Variants in RASGEF1C observed in about 807,000 individuals in gnomAD.
RASGEF1C encodes the protein ras-GEF domain-containing family member 1C.
A neutral mutation model predicts 58.1 loss-of-function variants in RASGEF1C; 27 were observed. The observed-to-expected ratio is 0.46, with a 90% CI of 0.34 to 0.64. RASGEF1C has a LOEUF of 0.64. RASGEF1C is among the 30% of genes least tolerant of loss of function. RASGEF1C has a pLI of 0.01. For synonymous variants in RASGEF1C, 243 were observed against 246.3 expected (o/e 0.99, Z 0.13); for missense variants, 502 against 605.1 (o/e 0.83, Z 1.79).
Position 180,136,516 on chromosome 5 carries a change from C to T in RASGEF1C, c.301-1G>A. On this transcript the variant is annotated splice_acceptor_variant, in intron 3 of 13. Coordinates refer to ENST00000361132, the MANE Select transcript of RASGEF1C (RefSeq NM_175062.4). LOFTEE classifies it high-confidence loss of function. ...TGGGGCCGAACTTCCGGACCCGGGCCTACGGGCAAGCGAGGGGCACCGCGC... is the reference window on the plus strand; with the variant it reads ...TGGGGCCGAACTTCCGGACCCGGGCTTACGGGCAAGCGAGGGGCACCGCGC... The T allele has an allele frequency of 6.4e-7, 1 of 1,570,946 alleles. No individual in the cohort carries two copies. The highest frequency in any genetic ancestry group is 1.8e-5 in the Admixed American group (1 of 54,632).
chr5:180,111,657 G>T, intron 11 of RASGEF1C, 77 bp from the exon 12 acceptor site: 1 of 1,544,286 alleles, frequency 6.5e-7, no homozygotes, highest in Non-Finnish European at 8.9e-7. Flanking sequence ...GGCTGGTCCT[G>T]GCAGAGACCC....
chr5:180,144,255 C>A (rs1581106214), intron 1 of RASGEF1C, among the ~76,000 whole-genome samples: 1 of 152,192 alleles, frequency 6.6e-6, no homozygotes, highest in Admixed American at 6.5e-5. Flanking sequence ...GCAGCTGGGG[C>A]GACCCTCTAC....
rs1213130358 is a variant in RASGEF1C, at chr5:180,177,354, T to C, written c.-7+31674A>G. 6.6e-6 allele frequency among the ~76,000 whole-genome samples: 1 copy of C among 152,136 alleles called. No individual in the cohort carries two copies. Among genetic ancestry groups the C allele is most frequent in the African/African-American group, 2.4e-5 (1 of 41,448 alleles). On this transcript the variant is annotated intron_variant, in intron 1 of 13. Coordinates refer to ENST00000361132, the MANE Select transcript of RASGEF1C (RefSeq NM_175062.4). This position sits in a 1 kb window ranked among gnomAD's most constrained non-coding sequence, Gnocchi z 5.0. ...CTTCCCCAAAGACACAGGCTGTTCA[T>C]CGGCTCCATTTTTAACCTTCCTTAG...
At position 180,171,639 on chromosome 5, in the gene RASGEF1C, G is replaced by A. The variant is rs146544121; in HGVS notation, c.-6-33581C>T. On this transcript the variant is annotated intron_variant, in intron 1 of 13. Coordinates refer to ENST00000361132, the MANE Select transcript of RASGEF1C (RefSeq NM_175062.4). ...ACCTGCACACTGCAGTGGGCACCCT[G>A]CAGGGATGCCAGAGTCTAGGGCAAA... Among the ~76,000 whole-genome samples, 998 of 152,326 alleles carry A rather than the reference G, an allele frequency of 6.6e-3. 9 individuals carry two copies. The highest frequency in any genetic ancestry group is 0.019 in the South Asian group (91 of 4,828).
rs1469905145 is a variant in RASGEF1C, at chr5:180,209,045, G to A, written c.-24C>T. The stretch of plus-strand genomic sequence containing the variant: ...CCACTCACCGGCTCCCGGCGCGCCG[G>A]AACTCCGGGCCCGGCCCATGGGCAG... On this transcript the variant is annotated 5_prime_UTR_variant, in exon 1 of 14. Coordinates refer to ENST00000361132, the MANE Select transcript of RASGEF1C (RefSeq NM_175062.4). The A allele has an allele frequency of 7.7e-5, 11 of 143,684 alleles. No homozygotes were observed. Among genetic ancestry groups the A allele is most frequent in the Non-Finnish European group, 1.5e-4 (10 of 64,960 alleles). The allele number at this position is 143,684 out of a possible 1,614,324, so 8.9% of individuals were successfully genotyped here. A position where few individuals can be genotyped will look rare whatever the true frequency, so the allele number is the denominator to read the frequency against.
intron 1 of RASGEF1C, among the ~76,000 whole-genome samples, chr5:180,182,720 G>A (rs1056644143): frequency 2.6e-5 from 4 of 151,814 alleles, no homozygotes; most frequent in African/African-American, 7.3e-5. Context: ...TGATTGATGC[G>A]TTTTTACAGA....
intron 1 of RASGEF1C, among the ~76,000 whole-genome samples, chr5:180,187,512 A>G (rs1756062518): frequency 6.6e-6 from 1 of 152,206 alleles, no homozygotes; most frequent in African/African-American, 2.4e-5. Flanking sequence ...AAGGAGAAAG[A>G]CTTGTACACT....
intron 1 of RASGEF1C, among the ~76,000 whole-genome samples, chr5:180,186,901 C>T (rs189347320): frequency 7.9e-5 from 12 of 152,236 alleles, no homozygotes; most frequent in Admixed American, 2.6e-4. Flanking sequence ...GAGCCAAGAT[C>T]GTGCCACTGC....
intron 1 of RASGEF1C, among the ~76,000 whole-genome samples, chr5:180,152,665 TAACA>T (rs1766778678): frequency 6.6e-6 from 1 of 150,834 alleles, no homozygotes; most frequent in South Asian, 2.1e-4. Context: ...TATACATATG[TAACA>T]AACCTGCACG....
At chr5:180,150,486 A>T (rs777884222) in intron 1 of RASGEF1C, among the ~76,000 whole-genome samples, 3 of 151,718 alleles carry the variant, frequency 2.0e-5, no homozygotes, top group East Asian at 3.9e-4. Context: ...GACTCTTGCA[A>T]TGTGGCAACT....
At chr5:180,207,422 G>T (rs973466996) in intron 1 of RASGEF1C, among the ~76,000 whole-genome samples, 3 of 152,226 alleles carry the variant, frequency 2.0e-5, no homozygotes, top group African/African-American at 7.2e-5. Context: ...AGGAACCAAG[G>T]CCCCTTGGAC....
In RASGEF1C at chr5:180,143,130, T is replaced by C. The variant is rs1325626851; in HGVS notation, c.-6-5072A>G. Among the ~76,000 whole-genome samples, 3 of 152,056 alleles carry C rather than the reference T, an allele frequency of 2.0e-5. No individual in the cohort carries two copies. Among genetic ancestry groups the C allele is most frequent in the Non-Finnish European group, 4.4e-5 (3 of 68,006 alleles). ...TTCAAGAGACAGCAGGCGAGGATTG[T>C]GTGGGGTCAGGTCTGCAGAGAGACA... On this transcript the variant is annotated intron_variant, in intron 1 of 13. Coordinates refer to ENST00000361132, the MANE Select transcript of RASGEF1C (RefSeq NM_175062.4). This position sits in a 1 kb window ranked among gnomAD's most constrained non-coding sequence, Gnocchi z 4.3.
chr5:180,162,080 A>G (rs1397144977), intron 1 of RASGEF1C, among the ~76,000 whole-genome samples: 3 of 152,226 alleles, frequency 2.0e-5, no homozygotes, highest in Non-Finnish European at 4.4e-5. Flanking sequence ...GGGTGGCCTC[A>G]TGTCCCCCAC....
At chr5:180,126,361 C>G (rs866112112) in intron 6 of RASGEF1C, among the ~76,000 whole-genome samples, 8 of 151,996 alleles carry the variant, frequency 5.3e-5, no homozygotes, top group African/African-American at 1.9e-4. Context: ...GAGCGGAGAC[C>G]GCGCCCCTGC....
At chr5:180,181,270 T>C (rs143719320) in intron 1 of RASGEF1C, among the ~76,000 whole-genome samples, 11 of 152,246 alleles carry the variant, frequency 7.2e-5, no homozygotes, top group Non-Finnish European at 1.6e-4. Context: ...CATACTTGAG[T>C]GTTTAAAGCA....
intron 1 of RASGEF1C, among the ~76,000 whole-genome samples, chr5:180,139,151 C>A (rs2113280605): frequency 6.6e-6 from 1 of 152,310 alleles, no homozygotes; most frequent in South Asian, 2.1e-4. Flanking sequence ...CCATACCCAC[C>A]TGCAGGGAGC....
chr5:180,136,234 T>C, intron 4 of RASGEF1C, 144 bp downstream of exon 4: 2 of 864,332 alleles, frequency 2.3e-6, no homozygotes, highest in Non-Finnish European at 3.5e-6. Context: ...GCCTGATTCC[T>C]TGATAGGCCA....
chr5:180,179,525 C>T (rs1385368773), intron 1 of RASGEF1C, among the ~76,000 whole-genome samples: 7 of 152,164 alleles, frequency 4.6e-5, no homozygotes, highest in Admixed American at 3.9e-4. Flanking sequence ...GCACCGACAC[C>T]TTTGACCTCA....
intron 1 of RASGEF1C, among the ~76,000 whole-genome samples, chr5:180,205,793 T>C (rs1443584020): frequency 6.6e-6 from 1 of 151,960 alleles, no homozygotes; most frequent in Admixed American, 6.6e-5. Flanking sequence ...AGGGGTACAA[T>C]CTCAGCTCAG....
Sources: gnomAD v4.1 joint callset for allele counts (sites outside exome capture counted in the v4.1 genomes callset) on GRCh38, gnomAD v4.1.1 for gene constraint, Gnocchi (gnomAD v3.1) non-coding constraint, MANE v1.5 for transcripts, NCBI Gene and HGNC (gene_info 2026-07-23, HGNC 2026-07-21) for gene names.